The following SLC35F4 variants were observed in gnomAD, a reference collection of about 807,000 sequenced individuals.
SLC35F4 encodes the protein solute carrier family 35 member F4.
In SLC35F4, 24 loss-of-function variants were observed where a neutral mutation model predicts 44.2. The ratio of observed to expected loss-of-function variants is 0.54; its 90% CI spans 0.39 to 0.76. SLC35F4 has a LOEUF of 0.76. SLC35F4 is among the 30% of genes least tolerant of loss of function. The probability of loss-of-function intolerance (pLI) is 0.00; values close to 1 mark genes in which losing one functional copy is unlikely to be tolerated. For synonymous variants in SLC35F4, 238 were observed against 223.6 expected (o/e 1.06, Z -0.57); for missense variants, 562 against 586.1 (o/e 0.96, Z 0.42).
intron 1 of SLC35F4, among the ~76,000 whole-genome samples, chr14:57,671,513 A>G (rs1183903854): frequency 6.6e-6 from 1 of 151,954 alleles, no homozygotes. Flanking sequence ...TGAAGGGAAG[A>G]CCCAGTCCTG....
intron 1 of SLC35F4, among the ~76,000 whole-genome samples, chr14:57,863,229 C>T (rs1344982750): frequency 6.6e-6 from 1 of 152,188 alleles, no homozygotes; most frequent in Non-Finnish European, 1.5e-5. Flanking sequence ...ATTAATTGAA[C>T]AGGATAAATA....
chr14:57,903,550 C>T (rs1194057969), intron 1 of SLC35F4, among the ~76,000 whole-genome samples: 1 of 152,214 alleles, frequency 6.6e-6, no homozygotes, highest in Non-Finnish European at 1.5e-5. Context: ...CCCTTCCCAA[C>T]TGCCTGCCCT....
chr14:57,806,413 C>T (rs1184699328), intron 1 of SLC35F4, among the ~76,000 whole-genome samples: 2 of 152,108 alleles, frequency 1.3e-5, no homozygotes, highest in African/African-American at 4.8e-5. Context: ...TTACCAAGCA[C>T]ATGAAAATAT....
intron 1 of SLC35F4, among the ~76,000 whole-genome samples, chr14:57,766,716 C>A (rs1054190707): frequency 6.6e-6 from 1 of 152,186 alleles, no homozygotes; most frequent in African/African-American, 2.4e-5. Flanking sequence ...AGCTTCTCTC[C>A]TTCACAGAAG....
At chr14:57,572,059 C>A in intron 4 of SLC35F4, 40 bp from the exon 5 acceptor site, 2 of 1,586,340 alleles carry the variant, frequency 1.3e-6, no homozygotes, top group Admixed American at 1.8e-5. Flanking sequence ...AGCAATGATC[C>A]CTCTGTATCC....
chr14:57,910,127 C>T (rs1889187706), intron 1 of SLC35F4, among the ~76,000 whole-genome samples: 2 of 151,880 alleles, frequency 1.3e-5, no homozygotes, highest in African/African-American at 2.4e-5. Context: ...AAGTCTTTTG[C>T]CTATTTTTTT....
upstream of SLC35F4, among the ~76,000 whole-genome samples, chr14:57,869,298 A>T (rs1284654758): frequency 6.6e-6 from 1 of 152,146 alleles, no homozygotes; most frequent in African/African-American, 2.4e-5. Flanking sequence ...ATACCAAGTA[A>T]TAACATTAAA....
Position 57,571,921 on chromosome 14 carries a change from G to T in SLC35F4, c.906C>A (p.Gly302=), listed in dbSNP as rs368261850. 2 of 1,612,572 alleles carry T rather than the reference G, an allele frequency of 1.2e-6. No individual in the cohort carries two copies. The highest frequency in any genetic ancestry group is 2.7e-5 in the African/African-American group (2 of 74,908). Residue 302 remains glycine (G), a synonymous_variant, in exon 5 of 8, where the codon GGC becomes GGA. Coordinates refer to ENST00000556826, the MANE Select transcript of SLC35F4 (RefSeq NM_001306087.2). ...TATATAATGCAGATGTAGAGGCTGA[G>T]CCCACCGCAAATGCCACTCCTATGA... is the stretch of plus-strand genomic sequence containing the variant. ...DSIIGVAFAV[G]SASTSALYKV...
chr14:57,640,107 G>C (rs754426358), intron 1 of SLC35F4, among the ~76,000 whole-genome samples: 1 of 151,944 alleles, frequency 6.6e-6, no homozygotes, highest in Non-Finnish European at 1.5e-5. Flanking sequence ...TAGAAAGGCA[G>C]GCACAAGAGG....
At chr14:57,907,239 CT>C (rs1280851001) in intron 1 of SLC35F4, among the ~76,000 whole-genome samples, 2 of 152,084 alleles carry the variant, frequency 1.3e-5, no homozygotes, top group Non-Finnish European at 2.9e-5. Flanking sequence ...AAAGTATGCA[CT>C]TTTTAGGTAT....
chr14:57,629,466 G>C (rs1031999085), intron 1 of SLC35F4, among the ~76,000 whole-genome samples: 12 of 152,088 alleles, frequency 7.9e-5, no homozygotes, highest in African/African-American at 2.4e-4. Context: ...AATTTCCATG[G>C]TGCAACCAGA....
At chr14:57,940,845 C>T (rs1889904304) in intron 1 of SLC35F4, among the ~76,000 whole-genome samples, 1 of 152,126 alleles carries the variant, frequency 6.6e-6, no homozygotes, top group Non-Finnish European at 1.5e-5. Context: ...TGATCTCAGG[C>T]CCCACTCCCT....
At chr14:57,678,689 T>C (rs1410350282) in intron 1 of SLC35F4, among the ~76,000 whole-genome samples, 1 of 139,156 alleles carries the variant, frequency 7.2e-6, no homozygotes, top group Admixed American at 7.2e-5. Flanking sequence ...ACCAAGCAAA[T>C]GGAAAGAAAA....
At chr14:57,707,229 A>T (rs1443038760) in intron 1 of SLC35F4, among the ~76,000 whole-genome samples, 1 of 152,226 alleles carries the variant, frequency 6.6e-6, no homozygotes, top group Admixed American at 6.5e-5. Flanking sequence ...GAATAAAGAC[A>T]GAGCTGCAAG....
chr14:57,696,661 C>G (rs1033189616), intron 1 of SLC35F4, among the ~76,000 whole-genome samples: 5 of 152,184 alleles, frequency 3.3e-5, no homozygotes, highest in African/African-American at 1.2e-4. Flanking sequence ...GACTTGGAAC[C>G]AACTCAAATG....
At chr14:57,956,241 A>G (rs1203156227) in intron 1 of SLC35F4, among the ~76,000 whole-genome samples, 2 of 152,260 alleles carry the variant, frequency 1.3e-5, no homozygotes, top group African/African-American at 4.8e-5. Context: ...AGCCATATGC[A>G]GAAAACTGAA....
chr14:57,845,350 C>T (rs368522446), intron 1 of SLC35F4, among the ~76,000 whole-genome samples: 81 of 152,338 alleles, frequency 5.3e-4, no homozygotes, highest in African/African-American at 1.8e-3. Flanking sequence ...ATGGTAATAA[C>T]ACCCACTACA....
At chr14:57,771,518 T>G (rs1267653942) in intron 1 of SLC35F4, among the ~76,000 whole-genome samples, 2 of 152,234 alleles carry the variant, frequency 1.3e-5, no homozygotes, top group Non-Finnish European at 2.9e-5. Context: ...ACACATAGAA[T>G]CTGCTACAAA....
chr14:57,775,473 T>A (rs1188146419), intron 1 of SLC35F4, among the ~76,000 whole-genome samples: 1 of 152,204 alleles, frequency 6.6e-6, no homozygotes, highest in Non-Finnish European at 1.5e-5. Flanking sequence ...AGGAGCCAGA[T>A]AACAAAGCTG....
Sources: allele counts gnomAD v4.1 joint callset (sites outside exome capture counted in the v4.1 genomes callset), GRCh38; gene constraint gnomAD v4.1.1; transcripts MANE v1.5; gene names NCBI Gene and HGNC (gene_info 2026-07-23, HGNC 2026-07-21).